The following SLC38A10 variants were observed in gnomAD, a reference collection of about 807,000 sequenced individuals.
The protein encoded by SLC38A10 is solute carrier family 38 member 10, also known as Sodium-coupled neutral amino acid transporter 10.
SLC38A10 carries 53 observed loss-of-function variants against 81.0 expected under a neutral mutation model. The observed-to-expected ratio is 0.65, with a 90% CI of 0.53 to 0.82. The LOEUF (loss-of-function observed/expected upper bound fraction) is 0.82. Among genes scored for constraint, SLC38A10 ranks in the 40% least tolerant of loss-of-function variants. The probability of loss-of-function intolerance (pLI) is 0.00; values close to 1 mark genes in which losing one functional copy is unlikely to be tolerated. For synonymous variants in SLC38A10, 665 were observed against 655.3 expected (o/e 1.01, Z -0.23); for missense variants, 1,471 against 1,545.0 (o/e 0.95, Z 0.80).
At chr17:81,266,454 C>G (rs1042531484) in intron 10 of SLC38A10, among the ~76,000 whole-genome samples, 1 of 151,908 alleles carries the variant, frequency 6.6e-6, no homozygotes, top group Admixed American at 6.6e-5. Flanking sequence ...CCCGTCTCTA[C>G]TAAAAATACA....
intron 3 of SLC38A10, among the ~76,000 whole-genome samples, chr17:81,284,184 CCT>C (rs1487259475): frequency 1.3e-5 from 2 of 151,960 alleles, no homozygotes; most frequent in Non-Finnish European, 2.9e-5. Context: ...ACGGCAAAAC[CCT>C]GTCTCTACTA....
chr17:81,265,374 A>T lies in SLC38A10; in HGVS notation c.1132-4980T>A, dbSNP rs1296208811. The T allele has an allele frequency of 6.6e-6, 1 of 152,110 alleles. No individual in the cohort carries two copies. The highest frequency in any genetic ancestry group is 2.4e-5 in the African/African-American group (1 of 41,392). The allele number at this position is 152,110 out of a possible 1,614,324, so 9.4% of individuals were successfully genotyped here. On this transcript the variant is annotated intron_variant, in intron 10 of 15. Transcript: ENST00000374759. This position sits in a 1 kb window ranked among gnomAD's most constrained non-coding sequence, Gnocchi z 4.2. ...ACCCCAGCCTGGGCGACAGAGCGAGACTCTGTCTCAAAAAATAAAAAAAGA... is the reference window on the plus strand; with the variant it reads ...ACCCCAGCCTGGGCGACAGAGCGAGTCTCTGTCTCAAAAAATAAAAAAAGA...
intron 14 of SLC38A10, chr17:81,251,238 A>T: frequency 6.9e-7 from 1 of 1,454,542 alleles, no homozygotes; most frequent in South Asian, 1.2e-5. Context: ...AGGGAGATAA[A>T]ACGGTAATCA....
rs1254105850 is a variant in SLC38A10, at chr17:81,274,604, G to A, written c.912+1365C>T. ...GCAGAGCTCCCAAGGGGAGGCAGGAGGGGAACCTGGACGGGGCAGGGCTCC... is the reference window on the plus strand; with the variant it reads ...GCAGAGCTCCCAAGGGGAGGCAGGAAGGGAACCTGGACGGGGCAGGGCTCC... On this transcript the variant is annotated intron_variant, in intron 8 of 15. Transcript: ENST00000374759. Among the ~76,000 whole-genome samples the A allele has an allele frequency of 3.3e-5, 5 of 152,234 alleles. No individual in the cohort carries two copies. In the East Asian group the frequency reaches 9.6e-4, roughly 29 times the overall value.
Position 81,277,026 on chromosome 17 carries a change from C to T in SLC38A10, c.729+5G>A. Reference sequence around the variant, plus strand: ...GGGGCGGAGAGGGCGTGGCAAGGCTCTTACCATGACGTAGAAGGTGGTGAC... The same window carrying T: ...GGGGCGGAGAGGGCGTGGCAAGGCTTTTACCATGACGTAGAAGGTGGTGAC... On this transcript the variant is annotated splice_donor_5th_base_variant and intron_variant, in intron 7 of 15. Coordinates refer to ENST00000374759, the MANE Select transcript of SLC38A10 (RefSeq NM_001037984.3). The surrounding 1 kb of genome is among the most constrained non-coding windows in gnomAD (Gnocchi z 4.5). 1 of 1,613,712 alleles carries T rather than the reference C, an allele frequency of 6.2e-7. No homozygotes were observed. The highest frequency in any genetic ancestry group is 1.1e-5 in the South Asian group (1 of 91,058).
At chr17:81,260,419 C>T (rs765820106) in intron 10 of SLC38A10, 25 bp from the exon 11 acceptor site, 19 of 1,597,412 alleles carry the variant, frequency 1.2e-5, no homozygotes, top group East Asian at 2.3e-5. Flanking sequence ...ACCCCAGGGG[C>T]GGGAGTCACA....
intron 9 of SLC38A10, 74 bp from the exon 10 acceptor site, chr17:81,271,098 T>G: frequency 7.9e-7 from 1 of 1,271,030 alleles, no homozygotes; most frequent in Non-Finnish European, 1.1e-6. Context: ...GCTTTTGCCC[T>G]GCACACGGGT....
At chr17:81,272,747 C>T (rs534981183) in intron 8 of SLC38A10, 120 bp from the exon 9 acceptor site, 18 of 592,714 alleles carry the variant, frequency 3.0e-5, no homozygotes, top group South Asian at 2.5e-5. Flanking sequence ...TGAGGCCGGC[C>T]GCGCACTCAC....
At chr17:81,282,371 G>T (rs549291351) in intron 4 of SLC38A10, 39 bp from the exon 5 acceptor site, 2 of 1,575,456 alleles carry the variant, frequency 1.3e-6, no homozygotes, top group Non-Finnish European at 1.7e-6. Flanking sequence ...CACAGCCCGT[G>T]CCTGCTCACC....
At chr17:81,273,667 G>A (rs1741847270) in intron 8 of SLC38A10, among the ~76,000 whole-genome samples, 1 of 152,194 alleles carries the variant, frequency 6.6e-6, no homozygotes, top group Non-Finnish European at 1.5e-5. Context: ...ATGGAGGTGG[G>A]GGGTTAGGTC....
chr17:81,259,642 T>G (rs2063003191), intron 11 of SLC38A10, among the ~76,000 whole-genome samples: 1 of 152,134 alleles, frequency 6.6e-6, no homozygotes, highest in South Asian at 2.1e-4. Context: ...CACGCATCTC[T>G]GCACCCCGGG....
intron 14 of SLC38A10, chr17:81,250,078 A>G (rs1312167927): frequency 1.2e-5 from 15 of 1,288,588 alleles, no homozygotes; most frequent in Non-Finnish European, 1.4e-5. Context: ...ACCTGCTACT[A>G]TCTTTTTAAT....
chr17:81,280,763 G>A (rs775273942), intron 5 of SLC38A10, 30 bp from the exon 6 acceptor site: 4 of 1,597,820 alleles, frequency 2.5e-6, no homozygotes, highest in Non-Finnish European at 2.6e-6. Context: ...AGAGCACGGG[G>A]CAGGTCAGGA....
Position 81,260,250 on chromosome 17 carries a change from C to G in SLC38A10, c.1276G>C (p.Ala426Pro), listed in dbSNP as rs1301901264. The G allele has an allele frequency of 6.2e-7, 1 of 1,603,476 alleles. No homozygotes were observed. The highest frequency in any genetic ancestry group is 1.7e-5 in the Admixed American group (1 of 58,326). ...EAEGLMKVEA[A>P]RLSAQDPVVA... ...AGGGTGGGCATACCTGAGAGCCGCG[C>G]TGCCTCCACCTTCATCAAACCCTCG... The change falls in exon 11 of 16, where the codon GCG becomes CCG. Residue 426 changes from alanine (A) to proline (P), a missense_variant. Coordinates refer to ENST00000374759, the MANE Select transcript of SLC38A10 (RefSeq NM_001037984.3).
intron 9 of SLC38A10, 73 bp downstream of exon 9, chr17:81,272,426 TCTGTGCAGGTCTCGTAA>T: frequency 2.9e-6 from 2 of 696,030 alleles, no homozygotes; most frequent in Middle Eastern, 4.2e-4. Context: ...GAAGATGGTC[TCTGTGCAGGTCTCGTAA>T]CTGTGCAGGT....
intron 1 of SLC38A10, among the ~76,000 whole-genome samples, chr17:81,290,358 C>T (rs1476215812): frequency 6.6e-6 from 1 of 152,138 alleles, no homozygotes; most frequent in African/African-American, 2.4e-5. Context: ...AAAAACAACC[C>T]AAATGTCCTT....
intron 10 of SLC38A10, among the ~76,000 whole-genome samples, chr17:81,269,667 C>T (rs2063097890): frequency 6.6e-6 from 1 of 151,996 alleles, no homozygotes; most frequent in Non-Finnish European, 1.5e-5. Flanking sequence ...GATGGTGGTT[C>T]CACGTGGTTC....
At chr17:81,251,123 G>A (rs1459450281) in intron 14 of SLC38A10, 1 of 1,509,996 alleles carries the variant, frequency 6.6e-7, no homozygotes, top group Non-Finnish European at 8.9e-7. Context: ...ACACCTGGCT[G>A]GCTTTAAATA....
At chr17:81,261,313 G>A (rs2063021540) in intron 10 of SLC38A10, among the ~76,000 whole-genome samples, 1 of 152,228 alleles carries the variant, frequency 6.6e-6, no homozygotes, top group Non-Finnish European at 1.5e-5. Context: ...CGGGGCCACG[G>A]CAGCGGGTGC....
Sources: allele counts gnomAD v4.1 joint callset (sites outside exome capture counted in the v4.1 genomes callset), GRCh38; gene constraint gnomAD v4.1.1; non-coding constraint Gnocchi (gnomAD v3.1); transcripts MANE v1.5; gene names NCBI Gene and HGNC (gene_info 2026-07-23, HGNC 2026-07-21).